Variants in NXN observed in about 807,000 individuals in gnomAD.
NXN encodes nucleoredoxin 1.
Under a neutral mutation model 48.6 loss-of-function variants are expected in NXN, and 16 were observed. The observed-to-expected ratio is 0.33, with a 90% CI of 0.22 to 0.50. The LOEUF (loss-of-function observed/expected upper bound fraction) is 0.50, where lower values mean the gene tolerates loss of function less well. Among genes scored for constraint, NXN ranks in the 20% least tolerant of loss-of-function variants. The pLI is 0.98. For missense variants in NXN, 492 were observed against 605.5 expected, an observed-to-expected ratio of 0.81 and a Z score of 1.97; for synonymous variants, 281 against 269.6, an observed-to-expected ratio of 1.04 and a Z score of -0.41.
chr17:886,205 T>G (rs1353198683), intron 1 of NXN, among the ~76,000 whole-genome samples: 1 of 151,870 alleles, frequency 6.6e-6, no homozygotes, highest in Admixed American at 6.6e-5. Flanking sequence ...TTAGGCAGAG[T>G]GGATTTCAGT....
At chr17:901,441 C>T (rs956157632) in intron 1 of NXN, among the ~76,000 whole-genome samples, 3 of 152,160 alleles carry the variant, frequency 2.0e-5, no homozygotes, top group African/African-American at 7.2e-5. Flanking sequence ...GGTCCAACTC[C>T]CGGCTCTGCC....
chr17:828,621 G>A (rs908182974), intron 1 of NXN, among the ~76,000 whole-genome samples: 1 of 136,678 alleles, frequency 7.3e-6, no homozygotes, highest in East Asian at 2.3e-4. Context: ...AGGCTGGTCT[G>A]GAACTCCTGA....
intron 1 of NXN, chr17:878,040 C>G (rs553580383): frequency 2.6e-5 from 4 of 152,308 alleles, no homozygotes; most frequent in Non-Finnish European, 1.5e-5. Context: ...CCTGGAAGCC[C>G]TGGGGGCACA....
intron 5 of NXN, among the ~76,000 whole-genome samples, chr17:807,617 C>CT (rs397745388): frequency 6.6e-6 from 1 of 152,130 alleles, no homozygotes; most frequent in Non-Finnish European, 1.5e-5. Flanking sequence ...GGGGCTTCCC[C>CT]GAGGAACGGC....
At chr17:870,285 T>TC (rs1354013784) in intron 1 of NXN, among the ~76,000 whole-genome samples, 1 of 152,170 alleles carries the variant, frequency 6.6e-6, no homozygotes, top group Non-Finnish European at 1.5e-5. Context: ...AAGGGAAAGT[T>TC]CATCCAGAAA....
At chr17:896,856 C>CCGGGGGGGGCGGG in intron 1 of NXN, 1 of 1,156,928 alleles carries the variant, frequency 8.6e-7, no homozygotes, top group Non-Finnish European at 1.1e-6. Context: ...CGGTCCTGAC[C>CCGGGGGGGGCGGG]ACCCGCCCCC....
intron 1 of NXN, chr17:878,419 GAGGGGGT>G (rs1360318120): frequency 7.9e-6 from 1 of 126,216 alleles, no homozygotes; most frequent in Non-Finnish European, 1.7e-5. Flanking sequence ...GGGGGTGGGG[GAGGGGGT>G]GCCCTTGAAG....
intron 5 of NXN, among the ~76,000 whole-genome samples, chr17:806,259 G>A (rs1223899501): frequency 2.0e-5 from 2 of 102,018 alleles, no homozygotes; most frequent in African/African-American, 8.6e-5. Context: ...AGCCCCCGCC[G>A]TCTGCACCCC....
chr17:871,731 T>C (rs917843290), intron 1 of NXN, among the ~76,000 whole-genome samples: 1 of 152,106 alleles, frequency 6.6e-6, no homozygotes, highest in Non-Finnish European at 1.5e-5. Context: ...TTTCCCTGAA[T>C]GGAAAATGTT....
chr17:867,608 G>C (rs2068106857), intron 1 of NXN, among the ~76,000 whole-genome samples: 1 of 152,186 alleles, frequency 6.6e-6, no homozygotes, highest in Admixed American at 6.5e-5. Context: ...GAGAAAAATA[G>C]ACAGTTTAAC....
chr17:922,675 G>A lies in NXN; in HGVS notation c.360+56644C>T, dbSNP rs866325186. On this transcript the variant is annotated intron_variant, in intron 1 of 7. Transcript: ENST00000336868. ...GCGTTCTTTGTTTTGTTTTTGAGACGGAGTCTTGCTCAGTTGCCCAGGCTG... is the reference window on the plus strand; with the variant it reads ...GCGTTCTTTGTTTTGTTTTTGAGACAGAGTCTTGCTCAGTTGCCCAGGCTG... Among the ~76,000 whole-genome samples the A allele has an allele frequency of 2.2e-4, 34 of 151,910 alleles. 1 individual carries two copies. Among genetic ancestry groups the A allele is most frequent in the Admixed American group, 5.9e-4 (9 of 15,248 alleles).
At chr17:802,417 G>A (rs946608638) in intron 7 of NXN, among the ~76,000 whole-genome samples, 1 of 152,188 alleles carries the variant, frequency 6.6e-6, no homozygotes, top group Non-Finnish European at 1.5e-5. Context: ...CAGCGACTAC[G>A]TTCCCAGCCA....
At chr17:879,631 C>A (rs925102716) in intron 1 of NXN, among the ~76,000 whole-genome samples, 9 of 151,974 alleles carry the variant, frequency 5.9e-5, no homozygotes, top group Admixed American at 5.2e-4. Flanking sequence ...TTCTGGCAAG[C>A]AGGGAAAGGA....
In NXN at chr17:928,767, C is replaced by G. The variant is rs145016805; in HGVS notation, c.360+50552G>C. Among the ~76,000 whole-genome samples, 704 of 152,116 alleles carry G rather than the reference C, an allele frequency of 4.6e-3. 8 individuals carry two copies. The highest frequency in any genetic ancestry group is 0.024 in the South Asian group (114 of 4,820). On this transcript the variant is annotated intron_variant, in intron 1 of 7. Coordinates refer to ENST00000336868, the MANE Select transcript of NXN (RefSeq NM_022463.5). The stretch of plus-strand genomic sequence containing the variant: ...GGGAGAATCGCTTGAACCCGGGAGG[C>G]GGAGTTTGCAGTGAGCCGAGATCAT...
intron 1 of NXN, among the ~76,000 whole-genome samples, chr17:863,174 CTTCT>C (rs916654569): frequency 1.3e-4 from 20 of 151,400 alleles, no homozygotes; most frequent in African/African-American, 4.8e-4. Flanking sequence ...ACTGTTCTGT[CTTCT>C]TTGTTTTTTT....
At chr17:843,025 A>T (rs1187588476) in intron 1 of NXN, among the ~76,000 whole-genome samples, 3 of 139,072 alleles carry the variant, frequency 2.2e-5, no homozygotes, top group Admixed American at 2.1e-4. Flanking sequence ...AGAAAGAAAG[A>T]AAGAAAGAAA....
chr17:890,542 T>G (rs1225930055), intron 1 of NXN, among the ~76,000 whole-genome samples: 1 of 124,078 alleles, frequency 8.1e-6, no homozygotes, highest in Non-Finnish European at 1.8e-5. Flanking sequence ...GCCCGGCTAA[T>G]TTTTTGTATT....
At chr17:947,025 C>T (rs1567514256) in intron 1 of NXN, among the ~76,000 whole-genome samples, 2 of 152,144 alleles carry the variant, frequency 1.3e-5, no homozygotes, top group Admixed American at 6.6e-5. Flanking sequence ...CTCCAGGGGC[C>T]GCATGAGGAG....
chr17:897,296 G>C (rs147463839), intron 1 of NXN, among the ~76,000 whole-genome samples: 1 of 152,190 alleles, frequency 6.6e-6, no homozygotes, highest in Admixed American at 6.5e-5. Flanking sequence ...TGACAGCAGA[G>C]ACGTGTGGCT....
Sources: allele counts gnomAD v4.1 joint callset (sites outside exome capture counted in the v4.1 genomes callset), GRCh38; gene constraint gnomAD v4.1.1; transcripts MANE v1.5; gene names NCBI Gene and HGNC (gene_info 2026-07-23, HGNC 2026-07-21).